NAT1: variants seen among roughly 807,000 people sequenced by gnomAD.
NAT1 encodes arylamine N-acetyltransferase 1.
For synonymous variants in NAT1, 144 were observed against 122.6 expected (o/e 1.17, Z -1.16); for missense variants, 400 against 339.2 (o/e 1.18, Z -1.41).
At chr8:18,207,928 T>C (rs1460713171), upstream of NAT1, among the ~76,000 whole-genome samples, 1 of 152,222 alleles carries the variant, frequency 6.6e-6, no homozygotes, top group Non-Finnish European at 1.5e-5. Flanking sequence ...TGGAATACTA[T>C]GCAGCCATAA....
At chr8:18,193,954 T>C (rs978541537) in intron 2 of NAT1, among the ~76,000 whole-genome samples, 26 of 152,072 alleles carry the variant, frequency 1.7e-4, no homozygotes, top group Non-Finnish European at 5.9e-5. Context: ...ACCTGCTATT[T>C]TTAAAAACAA....
At chr8:18,177,190 A>G (rs574957276) in intron 2 of NAT1, among the ~76,000 whole-genome samples, 13 of 152,132 alleles carry the variant, frequency 8.5e-5, no homozygotes, top group Non-Finnish European at 1.3e-4. Context: ...TCTCTTCCCA[A>G]TGAAAAAGAA....
At chr8:18,171,490 C>T (rs1028848857) in intron 2 of NAT1, among the ~76,000 whole-genome samples, 4 of 152,136 alleles carry the variant, frequency 2.6e-5, no homozygotes, top group African/African-American at 9.7e-5. Flanking sequence ...GTTTTGCTTC[C>T]TACATGTTTT....
intron 2 of NAT1, among the ~76,000 whole-genome samples, chr8:18,181,661 T>C (rs1214528663): frequency 1.3e-5 from 2 of 152,212 alleles, no homozygotes; most frequent in Admixed American, 6.5e-5. Context: ...GTTCCAGATC[T>C]TAGGGCATAG....
Position 18,222,039 on chromosome 8 carries a change from T to C in NAT1, c.-6-3T>C, listed in dbSNP as rs1272781702. The C allele has an allele frequency of 2.5e-6, 4 of 1,601,374 alleles. No homozygotes were observed. The highest frequency in any genetic ancestry group is 1.3e-5 in the African/African-American group (1 of 74,508). ...TTGCTTTCGTTTTGTTTTCCTTGCT[T>C]AGGGGATCATGGACATTGAAGCATA... On this transcript the variant is annotated splice_polypyrimidine_tract_variant and splice_region_variant and intron_variant, in intron 2 of 2. Coordinates refer to ENST00000307719, the MANE Select transcript of NAT1 (RefSeq NM_000662.8).
At chr8:18,188,769 G>T (rs1317864187) in intron 2 of NAT1, among the ~76,000 whole-genome samples, 2 of 151,648 alleles carry the variant, frequency 1.3e-5, no homozygotes, top group African/African-American at 4.8e-5. Flanking sequence ...GGCTGAGGCG[G>T]GTGGATCATG....
At position 18,204,625 on chromosome 8, in the gene NAT1, T is replaced by C. The variant is rs111874257; in HGVS notation, n.93-5156T>C. On this transcript the variant is annotated intron_variant and non_coding_transcript_variant, in intron 2 of 4. Coordinates refer to the NAT1 transcript ENST00000517441. ...AATTGAGGAAACATCTTTCTAAAAATTTTGATTTTTATCTACGAATACAGA... is the reference window on the plus strand; with the variant it reads ...AATTGAGGAAACATCTTTCTAAAAACTTTGATTTTTATCTACGAATACAGA... Among the ~76,000 whole-genome samples the C allele has an allele frequency of 1.1e-4, 17 of 152,280 alleles. 1 individual carries two copies. Among genetic ancestry groups the C allele is most frequent in the African/African-American group, 4.1e-4 (17 of 41,564 alleles).
chr8:18,221,830 G>C, intron 2 of NAT1: 1 of 435,846 alleles, frequency 2.3e-6, no homozygotes, highest in South Asian at 5.3e-5. Context: ...TCTCACACTT[G>C]AAAGAAGACA....
intron 2 of NAT1, among the ~76,000 whole-genome samples, chr8:18,186,195 G>A (rs1356220143): frequency 1.1e-4 from 16 of 152,136 alleles, no homozygotes; most frequent in Non-Finnish European, 1.2e-4. Flanking sequence ...TTAGCTAGTA[G>A]AAGATAGGCA....
chr8:18,197,199 C>T (rs1457768969), intron 2 of NAT1, among the ~76,000 whole-genome samples: 2 of 152,210 alleles, frequency 1.3e-5, no homozygotes, highest in Non-Finnish European at 2.9e-5. Flanking sequence ...GGTCCCTCCA[C>T]TGACATGTGG....
At position 18,222,823 on chromosome 8, in the gene NAT1, G is replaced by A. The variant is rs1805487629; in HGVS notation, c.776G>A (p.Ser259Asn). ...NTDLIEFKTL[S>N]EEEIEKVLKN... The stretch of plus-strand genomic sequence containing the variant: ...GATCTAATAGAGTTCAAGACTCTGA[G>A]TGAGGAAGAAATAGAAAAAGTGCTG... Residue 259 changes from serine to asparagine, a missense_variant, in exon 3 of 3, where the codon AGT becomes AAT. Transcript: ENST00000307719. 7.5e-6 allele frequency: 12 copies of A among 1,607,256 alleles called. No homozygotes were observed. Among genetic ancestry groups the A allele is most frequent in the African/African-American group, 1.3e-5 (1 of 74,662 alleles).
At chr8:18,197,488 C>T (rs1803284096) in intron 2 of NAT1, among the ~76,000 whole-genome samples, 1 of 152,120 alleles carries the variant, frequency 6.6e-6, no homozygotes, top group Non-Finnish European at 1.5e-5. Flanking sequence ...GTGCTATTGG[C>T]ATCTAGTGGG....
chr8:18,186,594 G>A (rs114315323), intron 2 of NAT1, among the ~76,000 whole-genome samples: 270 of 152,082 alleles, frequency 1.8e-3, no homozygotes, highest in African/African-American at 6.3e-3. Context: ...TATACCTATC[G>A]TCTTATTGTA....
chr8:18,203,027 C>A (rs1803543695), intron 2 of NAT1, among the ~76,000 whole-genome samples: 1 of 152,100 alleles, frequency 6.6e-6, no homozygotes, highest in Non-Finnish European at 1.5e-5. Context: ...GATTGGTGTG[C>A]TTTTACAGAG....
chr8:18,186,526 C>A (rs1802743264), intron 2 of NAT1, among the ~76,000 whole-genome samples: 1 of 152,032 alleles, frequency 6.6e-6, no homozygotes, highest in Non-Finnish European at 1.5e-5. Context: ...TTTGAAAAAT[C>A]TAATTTGGCA....
At chr8:18,208,594 G>A (rs1268568784), upstream of NAT1, among the ~76,000 whole-genome samples, 3 of 152,304 alleles carry the variant, frequency 2.0e-5, no homozygotes, top group South Asian at 4.1e-4. Flanking sequence ...TCATTCCCCT[G>A]CAGGGACATC....
intron 2 of NAT1, among the ~76,000 whole-genome samples, chr8:18,181,036 G>T (rs894854069): frequency 1.7e-4 from 26 of 151,896 alleles, no homozygotes; most frequent in African/African-American, 5.6e-4. Context: ...CTATTTCTGT[G>T]AAGTATGTCA....
intron 2 of NAT1, among the ~76,000 whole-genome samples, chr8:18,189,274 C>T (rs1802882021): frequency 6.6e-6 from 1 of 152,006 alleles, no homozygotes; most frequent in African/African-American, 2.4e-5. Context: ...CTTTTCCCTC[C>T]CTTCCTCTCA....
At chr8:18,193,792 C>G (rs1803120515) in intron 2 of NAT1, among the ~76,000 whole-genome samples, 1 of 151,556 alleles carries the variant, frequency 6.6e-6, no homozygotes, top group African/African-American at 2.4e-5. Flanking sequence ...AGGTGCCTGC[C>G]ACCACACCCA....
Sources: allele counts gnomAD v4.1 joint callset (sites outside exome capture counted in the v4.1 genomes callset), GRCh38; gene constraint gnomAD v4.1.1; transcripts MANE v1.5; gene names NCBI Gene and HGNC (gene_info 2026-07-23, HGNC 2026-07-21).